Variants in ZNF462 observed in about 807,000 individuals in gnomAD.
ZNF462 encodes zinc finger protein 462.
In ZNF462, 10 loss-of-function variants were observed where a neutral mutation model predicts 201.9. The ratio of observed to expected loss-of-function variants is 0.05; its 90% CI spans 0.03 to 0.08. ZNF462 has a LOEUF of 0.08. Among genes scored for constraint, ZNF462 ranks in the 10% least tolerant of loss-of-function variants. ZNF462 has a pLI of 1.00. For missense variants in ZNF462, 2,523 were observed against 3,168.3 expected (o/e 0.80, Z 4.89); for synonymous variants, 1,227 against 1,193.3 (o/e 1.03, Z -0.58).
At chr9:106,897,809 G>T (rs1828872804) in intron 1 of ZNF462, among the ~76,000 whole-genome samples, 1 of 152,106 alleles carries the variant, frequency 6.6e-6, no homozygotes, top group South Asian at 2.1e-4. Context: ...GAATAGAGAG[G>T]GAAAGAGGCC....
At position 106,993,877 on chromosome 9, in the gene ZNF462, A is replaced by G. The variant is rs942418478; in HGVS notation, c.7057-9417A>G. Among the ~76,000 whole-genome samples the G allele has an allele frequency of 2.6e-5, 4 of 152,132 alleles. No homozygotes were observed. The highest frequency in any genetic ancestry group is 5.9e-5 in the Non-Finnish European group (4 of 68,008). ...CTCCCACCTTGGCTTCCCAAAGTACAGGAATTGCAGGTGTGAGCCACTGTG... is the reference window on the plus strand; with the variant it reads ...CTCCCACCTTGGCTTCCCAAAGTACGGGAATTGCAGGTGTGAGCCACTGTG... On this transcript the variant is annotated intron_variant, in intron 10 of 12. Transcript: ENST00000277225. This position sits in a 1 kb window ranked among gnomAD's most constrained non-coding sequence, Gnocchi z 4.0.
chr9:106,976,906 G>A (rs1246374765), intron 9 of ZNF462, among the ~76,000 whole-genome samples: 2 of 152,130 alleles, frequency 1.3e-5, no homozygotes, highest in African/African-American at 2.4e-5. Context: ...TAATCCAGCT[G>A]GGATTTAAAC....
At chr9:106,898,858 T>A (rs1057046080) in intron 1 of ZNF462, among the ~76,000 whole-genome samples, 2 of 152,154 alleles carry the variant, frequency 1.3e-5, no homozygotes, top group African/African-American at 4.8e-5. Context: ...GAATCAGAGT[T>A]ACAAAAGCCA....
rs1827084158 is a variant in ZNF462, at chr9:106,977,317, A to G, written c.6832+3044A>G. Among the ~76,000 whole-genome samples, 1 of 148,152 alleles carries G rather than the reference A, an allele frequency of 6.7e-6. No individual in the cohort carries two copies. The highest frequency in any genetic ancestry group is 1.5e-5 in the Non-Finnish European group (1 of 68,002). ...ATGACATCCTTGGTCTCTCAGGTCCACAGTACAAGATCTTTCTGAGGTCTT... is the reference window on the plus strand; with the variant it reads ...ATGACATCCTTGGTCTCTCAGGTCCGCAGTACAAGATCTTTCTGAGGTCTT... On this transcript the variant is annotated intron_variant, in intron 9 of 12. Coordinates refer to ENST00000277225, the MANE Select transcript of ZNF462 (RefSeq NM_021224.6). This position sits in a 1 kb window ranked among gnomAD's most constrained non-coding sequence, Gnocchi z 4.6.
chr9:107,003,332 G>A lies in ZNF462; in HGVS notation c.7095G>A (p.Leu2365=), dbSNP rs1829331671. 6 of 1,613,754 alleles carry A rather than the reference G, an allele frequency of 3.7e-6. No homozygotes were observed. Among genetic ancestry groups the A allele is most frequent in the Non-Finnish European group, 8.5e-7 (1 of 1,179,862 alleles). The change falls in exon 11 of 13, where the codon TTG becomes TTA. Residue 2365 remains leucine (L), a synonymous_variant. Coordinates refer to ENST00000277225, the MANE Select transcript of ZNF462 (RefSeq NM_021224.6). This position sits in a 1 kb window ranked among gnomAD's most constrained non-coding sequence, Gnocchi z 4.4. ...RNFELVGRVN[L]DQLEQMKEKM... is the part of the protein sequence containing the mutation. ...TTGAGCTGGTTGGACGGGTTAACTT[G>A]GATCAGCTGGAACAGATGAAGGAGA... is the stretch of plus-strand genomic sequence containing the variant.
At chr9:106,971,117 ATC>A (rs1826584880) in intron 7 of ZNF462, among the ~76,000 whole-genome samples, 1 of 152,214 alleles carries the variant, frequency 6.6e-6, no homozygotes, top group East Asian at 1.9e-4. Context: ...TAAAATTTAA[ATC>A]ACTTGAGTGT....
At chr9:106,959,292 T>C (rs952917386) in intron 7 of ZNF462, among the ~76,000 whole-genome samples, 2 of 152,126 alleles carry the variant, frequency 1.3e-5, no homozygotes, top group Non-Finnish European at 2.9e-5. Flanking sequence ...ACTATGTGCC[T>C]AGAGCTGGGA....
At chr9:106,921,399 C>T (rs1357084870) in intron 1 of ZNF462, among the ~76,000 whole-genome samples, 1 of 152,130 alleles carries the variant, frequency 6.6e-6, no homozygotes, top group Non-Finnish European at 1.5e-5. Flanking sequence ...ATAGGAGGAG[C>T]CCAGCCTGCT....
Position 106,972,173 on chromosome 9 carries a change from C to T in ZNF462, c.6596C>T (p.Ser2199Phe). The T allele has an allele frequency of 6.2e-7, 1 of 1,614,236 alleles. No homozygotes were observed. The highest frequency in any genetic ancestry group is 8.5e-7 in the Non-Finnish European group (1 of 1,180,040). The change falls in exon 8 of 13, where the codon TCC becomes TTC. Residue 2199 changes from serine (S) to phenylalanine (F), a missense_variant. This residue lies in a region of ZNF462 where 228 missense variants were observed against 361.2 expected (regional missense o/e 0.63). Coordinates refer to ENST00000277225, the MANE Select transcript of ZNF462 (RefSeq NM_021224.6). This position sits in a 1 kb window ranked among gnomAD's most constrained non-coding sequence, Gnocchi z 4.8. ...AVLHCEFCEFSSGYIQSIRRH... is the reference protein window; with the variant it reads ...AVLHCEFCEFFSGYIQSIRRH... ...CTTCACTGCGAATTCTGTGAATTCT[C>T]CTCCGGCTACATCCAGAGCATCAGG...
At chr9:106,900,514 GA>G (rs1335061179) in intron 1 of ZNF462, among the ~76,000 whole-genome samples, 2 of 152,100 alleles carry the variant, frequency 1.3e-5, no homozygotes, top group African/African-American at 4.8e-5. Context: ...CAGCAGTGTA[GA>G]AGTGTTCTCT....
intron 1 of ZNF462, among the ~76,000 whole-genome samples, chr9:106,898,550 A>G (rs1178496906): frequency 2.0e-5 from 3 of 152,148 alleles, no homozygotes; most frequent in Admixed American, 6.5e-5. Context: ...TAAATATCCT[A>G]CAATGCCCAG....
chr9:106,929,278 G>A lies in ZNF462; in HGVS notation c.5366G>A (p.Arg1789His), dbSNP rs774677874. The A allele has an allele frequency of 9.3e-6, 15 of 1,613,984 alleles. No homozygotes were observed. The highest frequency in any genetic ancestry group is 1.7e-5 in the Admixed American group (1 of 60,002). ...GGCATCGTGTCCCATTACATGAAAC[G>A]CCACCCAGGGGTGTTCCCAAAGAAG... ...KKGIVSHYMK[R>H]HPGVFPKKQH... Residue 1789 changes from arginine to histidine, a missense_variant, in exon 3 of 13, where the codon CGC becomes CAC. Arg to His is a conservative substitution (Grantham distance 29). This residue lies in a region of ZNF462 where 207 missense variants were observed against 231.6 expected (regional missense o/e 0.89). Coordinates refer to ENST00000277225, the MANE Select transcript of ZNF462 (RefSeq NM_021224.6). The surrounding 1 kb of genome is among the most constrained non-coding windows in gnomAD (Gnocchi z 8.7).
intron 10 of ZNF462, among the ~76,000 whole-genome samples, chr9:106,992,501 T>C (rs766410014): frequency 6.6e-6 from 1 of 152,040 alleles, no homozygotes; most frequent in Non-Finnish European, 1.5e-5. Context: ...AATGGATGGA[T>C]AAATAAAATA....
intron 8 of ZNF462, among the ~76,000 whole-genome samples, chr9:106,973,128 A>G (rs1826720515): frequency 6.6e-6 from 1 of 152,228 alleles, no homozygotes; most frequent in Non-Finnish European, 1.5e-5. Context: ...CCTGGCACAA[A>G]GCAAACACTA....
In ZNF462 at chr9:106,925,336, G is replaced by A; in HGVS notation, c.1424G>A (p.Cys475Tyr). The change falls in exon 3 of 13, where the codon TGT becomes TAT. Residue 475 changes from cysteine (C) to tyrosine (Y), a missense_variant. Coordinates refer to ENST00000277225, the MANE Select transcript of ZNF462 (RefSeq NM_021224.6). This position sits in a 1 kb window ranked among gnomAD's most constrained non-coding sequence, Gnocchi z 7.9. ...ACAGCTGTCTACAAATGTGACGAAT[G>A]TCCGTTTACTTGCAAGAGCTCGTTG... The part of the protein sequence containing the change: ...GKTAVYKCDE[C>Y]PFTCKSSLKL... 19 of 1,614,216 alleles carry A rather than the reference G, an allele frequency of 1.2e-5. No homozygotes were observed. The highest frequency in any genetic ancestry group is 1.6e-5 in the Non-Finnish European group (19 of 1,180,050).
Position 106,926,649 on chromosome 9 carries a change from A to G in ZNF462, c.2737A>G (p.Met913Val). The G allele has an allele frequency of 6.2e-7, 1 of 1,614,098 alleles. No individual in the cohort carries two copies. Among genetic ancestry groups the G allele is most frequent in the Non-Finnish European group, 8.5e-7 (1 of 1,180,030 alleles). The change falls in exon 3 of 13, where the codon ATG (methionine) becomes GTG (valine). Residue 913 changes from methionine (M) to valine (V), a missense_variant. Physicochemically the swap from Met to Val is conservative, Grantham distance 21. Around this residue, in one of 15 missense-constraint regions of ZNF462, gnomAD observed 280 missense variants for 321.3 expected, o/e 0.87. Coordinates refer to ENST00000277225, the MANE Select transcript of ZNF462 (RefSeq NM_021224.6). This position sits in a 1 kb window ranked among gnomAD's most constrained non-coding sequence, Gnocchi z 7.9. ...TTATGGCGAGCACCACCCAGAAGCCATGAATGTACTCAACTTTGATCACTC... is the reference window on the plus strand; with the variant it reads ...TTATGGCGAGCACCACCCAGAAGCCGTGAATGTACTCAACTTTGATCACTC... ...QHYGEHHPEA[M>V]NVLNFDHSDL...
chr9:106,928,314 A>AGGG lies in ZNF462; in HGVS notation c.4402_4403insGGG (p.Thr1468delinsArgAla). On this transcript the variant is annotated protein_altering_variant, in exon 3 of 13. Transcript: ENST00000277225. The surrounding 1 kb of genome is among the most constrained non-coding windows in gnomAD (Gnocchi z 9.3). ...TTCAGCCAACCCCGCCATATCCTCC[A>AGGG]CCCCATACCAGTGCACGGTATGCCA... 1 of 1,614,038 alleles carries AGGG rather than the reference A, an allele frequency of 6.2e-7. No homozygotes were observed. Among genetic ancestry groups the AGGG allele is most frequent in the Non-Finnish European group, 8.5e-7 (1 of 1,179,996 alleles).
chr9:106,934,971 A>G (rs1459674528), intron 5 of ZNF462, among the ~76,000 whole-genome samples: 3 of 152,190 alleles, frequency 2.0e-5, no homozygotes, highest in Non-Finnish European at 2.9e-5. Flanking sequence ...CCTGGCAACA[A>G]GACAGCCCAT....
At chr9:106,998,052 A>G (rs1564163169) in intron 10 of ZNF462, among the ~76,000 whole-genome samples, 1 of 152,170 alleles carries the variant, frequency 6.6e-6, no homozygotes, top group Non-Finnish European at 1.5e-5. Context: ...ATATTTACTT[A>G]TCTGGCCCTT....
Sources: gnomAD v4.1 joint callset for allele counts (sites outside exome capture counted in the v4.1 genomes callset) on GRCh38, gnomAD v4.1.1 for gene constraint, gnomAD v4.1.1 regional missense constraint, Gnocchi (gnomAD v3.1) non-coding constraint, MANE v1.5 for transcripts, NCBI Gene and HGNC (gene_info 2026-07-23, HGNC 2026-07-21) for gene names.